UBOX5: variants seen among roughly 807,000 people sequenced by gnomAD.
UBOX5 encodes RING finger protein 37.
In UBOX5, 28 loss-of-function variants were observed where a neutral mutation model predicts 39.0. That is an observed-to-expected ratio of 0.72 (90% CI 0.53 to 0.98). The LOEUF is 0.98. Ranked by LOEUF, UBOX5 falls within the 50% of genes least tolerant of loss-of-function variation. UBOX5 has a pLI of 0.00. For missense variants in UBOX5, 585 were observed against 674.4 expected (o/e 0.87, Z 1.47); for synonymous variants, 283 against 275.5 (o/e 1.03, Z -0.27).
intron 4 of UBOX5, chr20:3,110,676 A>C: frequency 3.4e-6 from 1 of 295,326 alleles, no homozygotes. Context: ...GACAAGATAA[A>C]CTGCAAGAAA....
rs1372206505 is a variant in UBOX5, at chr20:3,121,549, T to G, written c.1090A>C (p.Arg364=). Residue 364 remains arginine, a synonymous_variant, in exon 3 of 5, where the codon AGG becomes CGG. Coordinates refer to ENST00000217173, the MANE Select transcript of UBOX5 (RefSeq NM_014948.4). ...PSSIVLPSQK[R]KIEQAEHVPD... ...ACATGTTCAGCCTGCTCTATCTTCC[T>G]TTTCTGAGAGGGCAGAACAATGGAA... 2 of 1,611,228 alleles carry G rather than the reference T, an allele frequency of 1.2e-6. No homozygotes were observed. The highest frequency in any genetic ancestry group is 2.7e-5 in the African/African-American group (2 of 74,966).
chr20:3,133,759 G>GC (rs1033972036), intron 1 of UBOX5, among the ~76,000 whole-genome samples: 13 of 150,252 alleles, frequency 8.7e-5, no homozygotes, highest in Middle Eastern at 3.5e-3. Flanking sequence ...TTTTTTTTGG[G>GC]GGGGGGAAAC....
At chr20:3,145,311 C>T (rs375763841) in intron 1 of UBOX5, among the ~76,000 whole-genome samples, 2 of 151,936 alleles carry the variant, frequency 1.3e-5, no homozygotes, top group African/African-American at 4.8e-5. Context: ...ATCACCATGC[C>T]CAGCTAATTT....
intron 3 of UBOX5, chr20:3,116,626 C>T (rs567418779): frequency 6.6e-6 from 1 of 152,310 alleles, no homozygotes; most frequent in East Asian, 1.9e-4. Context: ...TTGTTCCACC[C>T]CACTGCGCCT....
chr20:3,123,238 C>T, intron 2 of UBOX5, 74 bp downstream of exon 2: 1 of 1,495,386 alleles, frequency 6.7e-7, no homozygotes, highest in South Asian at 1.1e-5. Context: ...CAAATCCACA[C>T]ACACAAGGCA....
intron 1 of UBOX5, among the ~76,000 whole-genome samples, chr20:3,136,734 C>T (rs1409198036): frequency 6.7e-6 from 1 of 149,402 alleles, no homozygotes; most frequent in Non-Finnish European, 1.5e-5. Flanking sequence ...CAGCTCACTG[C>T]AAGCTCCACC....
At chr20:3,156,877 A>C (rs1181011119) in intron 1 of UBOX5, 1 of 152,152 alleles carries the variant, frequency 6.6e-6, no homozygotes, top group Non-Finnish European at 1.5e-5. Flanking sequence ...TTTCCTTTCT[A>C]TGTCCCAATA....
At chr20:3,136,651 G>A (rs972519948) in intron 1 of UBOX5, among the ~76,000 whole-genome samples, 8 of 143,878 alleles carry the variant, frequency 5.6e-5, no homozygotes, top group Non-Finnish European at 1.1e-4. Flanking sequence ...CACTGTGCCC[G>A]GCCTTAATAT....
At chr20:3,133,769 C>A (rs2066448296) in intron 1 of UBOX5, among the ~76,000 whole-genome samples, 1 of 148,164 alleles carries the variant, frequency 6.7e-6, no homozygotes, top group South Asian at 2.1e-4. Flanking sequence ...GGGGGGGAAA[C>A]AGGCTCTCAC....
chr20:3,114,947 C>CAAAT (rs1277576664), intron 4 of UBOX5, among the ~76,000 whole-genome samples: 56 of 151,870 alleles, frequency 3.7e-4, no homozygotes, highest in African/African-American at 1.2e-3. Context: ...GATGCAGTCT[C>CAAAT]AAATAAATAA....
chr20:3,131,364 T>C (rs1421232903), intron 1 of UBOX5, among the ~76,000 whole-genome samples: 5 of 152,234 alleles, frequency 3.3e-5, no homozygotes, highest in African/African-American at 1.2e-4. Flanking sequence ...GATTTTTCTC[T>C]ATATATTGTC....
chr20:3,113,366 G>C (rs960727898), intron 4 of UBOX5, among the ~76,000 whole-genome samples: 1 of 152,048 alleles, frequency 6.6e-6, no homozygotes, highest in Non-Finnish European at 1.5e-5. Context: ...AGGAGACATG[G>C]GGGCTCCAGC....
chr20:3,155,191 C>G (rs148291061), intron 1 of UBOX5, among the ~76,000 whole-genome samples: 1,856 of 151,920 alleles, frequency 0.012, 23 homozygotes, highest in South Asian at 0.032. Flanking sequence ...GCCAGGAGTT[C>G]TAGACCAGCC....
At position 3,148,220 on chromosome 20, in the gene UBOX5, A is replaced by G. The variant is rs202243319; in HGVS notation, c.-42+11546T>C. ...ACGATTTTCACCTATAACATAAATT[A>G]AGTGAACTAGCTGAGACAAGGATAG... On this transcript the variant is annotated intron_variant, in intron 1 of 4. Coordinates refer to ENST00000217173, the MANE Select transcript of UBOX5 (RefSeq NM_014948.4). 5.6e-6 allele frequency: 9 copies of G among 1,613,918 alleles called. No individual in the cohort carries two copies. Among genetic ancestry groups the G allele is most frequent in the Non-Finnish European group, 2.5e-6 (3 of 1,180,052 alleles).
intron 1 of UBOX5, among the ~76,000 whole-genome samples, chr20:3,136,788 T>C (rs921543555): frequency 6.6e-6 from 1 of 152,074 alleles, no homozygotes; most frequent in Non-Finnish European, 1.5e-5. Flanking sequence ...CCCGAGTAGC[T>C]GGGACTATAG....
Position 3,125,785 on chromosome 20 carries a change from G to A in UBOX5, c.-41-2379C>T, listed in dbSNP as rs548750100. 3.2e-4 allele frequency among the ~76,000 whole-genome samples: 45 copies of A among 141,694 alleles called. No individual in the cohort carries two copies. The East Asian group carries it at 8.8e-3, about 28-fold the overall frequency. 93.0% of individuals were successfully genotyped at this position (141,694 alleles called of 152,430 possible). A position where few individuals can be genotyped will look rare whatever the true frequency, so the allele number is the denominator to read the frequency against. On this transcript the variant is annotated intron_variant, in intron 1 of 4. Coordinates refer to ENST00000217173, the MANE Select transcript of UBOX5 (RefSeq NM_014948.4). ...CCACCCCGTCTGGGAGGTGAGGAGC[G>A]CCTCTGCCCAGCCGCCACCCCGTCT...
intron 1 of UBOX5, chr20:3,147,531 G>C: frequency 6.2e-7 from 1 of 1,614,172 alleles, no homozygotes; most frequent in South Asian, 1.1e-5. Flanking sequence ...AGGGTATATA[G>C]TTCCTTAAGG....
At chr20:3,147,219 G>A in intron 1 of UBOX5, 2 of 1,614,142 alleles carry the variant, frequency 1.2e-6, no homozygotes, top group Non-Finnish European at 1.7e-6. Context: ...ACATGCTCAA[G>A]CCTTAATTTG....
intron 1 of UBOX5, among the ~76,000 whole-genome samples, chr20:3,125,092 G>A (rs549555618): frequency 4.5e-4 from 67 of 150,398 alleles, no homozygotes; most frequent in African/African-American, 1.6e-3. Flanking sequence ...TGGGAAGTGG[G>A]GAGTGCCTCT....
Sources: gnomAD v4.1 joint callset for allele counts (sites outside exome capture counted in the v4.1 genomes callset) on GRCh38, gnomAD v4.1.1 for gene constraint, MANE v1.5 for transcripts, NCBI Gene and HGNC (gene_info 2026-07-23, HGNC 2026-07-21) for gene names.